The following PRELID2 variants were observed in gnomAD, a reference collection of about 807,000 sequenced individuals.
PRELID2 encodes PRELI domain containing 2, also known as PRELI domain-containing protein 2.
Under a neutral mutation model 28.4 loss-of-function variants are expected in PRELID2, and 25 were observed. That is an observed-to-expected ratio of 0.88 (90% confidence interval 0.64 to 1.23). The LOEUF is 1.23. PRELID2 is among the 50% of genes most tolerant of loss of function. The pLI, the probability that PRELID2 is intolerant of heterozygous loss-of-function variation, is 0.00. For synonymous variants in PRELID2, 76 were observed against 71.6 expected (o/e 1.06, Z -0.31); for missense variants, 201 against 214.4 (o/e 0.94, Z 0.39).
chr5:145,515,273 G>C (rs1210378549), intron 1 of PRELID2, among the ~76,000 whole-genome samples: 2 of 152,186 alleles, frequency 1.3e-5, no homozygotes, highest in Non-Finnish European at 2.9e-5. Flanking sequence ...AAGAATAAAA[G>C]AGAGAAGAAT....
chr5:145,372,887 TTATA>T, the PRELID2 span, among the ~76,000 whole-genome samples: 16 of 95,942 alleles, frequency 1.7e-4, 2 homozygotes, highest in East Asian at 0.01. Flanking sequence ...ATATATGATA[TTATA>T]TATTACAACA....
chr5:145,421,218 G>A, the PRELID2 span, among the ~76,000 whole-genome samples: 1 of 149,102 alleles, frequency 6.7e-6, no homozygotes, highest in Non-Finnish European at 1.5e-5. Flanking sequence ...TCTCTGCCTG[G>A]CTTTGGTATC....
intron 1 of PRELID2, among the ~76,000 whole-genome samples, chr5:145,689,021 G>GAT (rs1755092636): frequency 6.6e-6 from 1 of 152,200 alleles, no homozygotes; most frequent in Admixed American, 6.5e-5. Context: ...GAGATACTGA[G>GAT]ATATCATAAG....
chr5:145,713,040 A>G (rs1373294897), intron 1 of PRELID2, among the ~76,000 whole-genome samples: 1 of 151,938 alleles, frequency 6.6e-6, no homozygotes, highest in Non-Finnish European at 1.5e-5. Flanking sequence ...TAAAGAAGAG[A>G]AGAACAACAT....
At chr5:145,428,209 T>C in the PRELID2 span, among the ~76,000 whole-genome samples, 1 of 152,132 alleles carries the variant, frequency 6.6e-6, no homozygotes, top group Non-Finnish European at 1.5e-5. Context: ...TCCATCCATC[T>C]CAGCCTCCCA....
the PRELID2 span, among the ~76,000 whole-genome samples, chr5:145,243,159 T>C: frequency 6.6e-6 from 1 of 152,050 alleles, no homozygotes; most frequent in Non-Finnish European, 1.5e-5. Context: ...AAAAGACATT[T>C]CAACCTGTTT....
intron 1 of PRELID2, among the ~76,000 whole-genome samples, chr5:145,514,387 C>A (rs1276771343): frequency 1.4e-5 from 2 of 147,998 alleles, no homozygotes; most frequent in African/African-American, 2.5e-5. Flanking sequence ...CAGCAAAGAT[C>A]AAAAAAGACA....
the PRELID2 span, among the ~76,000 whole-genome samples, chr5:145,451,344 T>G: frequency 6.6e-6 from 1 of 152,192 alleles, no homozygotes; most frequent in Admixed American, 6.5e-5. Context: ...TCAAATACCA[T>G]TTCTTCCAGA....
chr5:145,725,908 TG>T (rs1398672087), intron 1 of PRELID2, among the ~76,000 whole-genome samples: 1 of 152,136 alleles, frequency 6.6e-6, no homozygotes, highest in African/African-American at 2.4e-5. Flanking sequence ...TACACGTGGG[TG>T]CAGTAGCTTA....
chr5:145,437,724 C>A, the PRELID2 span, among the ~76,000 whole-genome samples: 3 of 152,230 alleles, frequency 2.0e-5, no homozygotes, highest in African/African-American at 7.2e-5. Context: ...GGAGGCCCTT[C>A]TCTCCTTGGT....
chr5:145,664,940 G>A (rs1451754609), intron 1 of PRELID2, among the ~76,000 whole-genome samples: 1 of 152,030 alleles, frequency 6.6e-6, no homozygotes, highest in African/African-American at 2.4e-5. Flanking sequence ...CGACCTCAAG[G>A]AAATGCACAT....
intron 1 of PRELID2, among the ~76,000 whole-genome samples, chr5:145,597,020 T>C (rs1371892369): frequency 6.6e-6 from 1 of 152,058 alleles, no homozygotes; most frequent in Non-Finnish European, 1.5e-5. Context: ...GGTCAAAAAA[T>C]ACTACATAGC....
chr5:145,348,655 C>A, the PRELID2 span, among the ~76,000 whole-genome samples: 1 of 149,340 alleles, frequency 6.7e-6, no homozygotes, highest in African/African-American at 2.5e-5. Context: ...TTTTTTTTTA[C>A]AATTCACTAT....
chr5:145,230,566 G>A, the PRELID2 span, among the ~76,000 whole-genome samples: 2,071 of 151,966 alleles, frequency 0.014, 46 homozygotes, highest in African/African-American at 0.047. Flanking sequence ...GCAACAGAGC[G>A]AGACTCTGTC....
intron 1 of PRELID2, among the ~76,000 whole-genome samples, chr5:145,522,836 G>A (rs1351983024): frequency 6.6e-6 from 1 of 151,596 alleles, no homozygotes; most frequent in Admixed American, 6.6e-5. Flanking sequence ...AGAAGAAGAA[G>A]GAGGAGGAAG....
chr5:145,359,686 G>C, the PRELID2 span, among the ~76,000 whole-genome samples: 1 of 152,162 alleles, frequency 6.6e-6, no homozygotes, highest in African/African-American at 2.4e-5. Flanking sequence ...TAGCCTCATA[G>C]AACACTCTTC....
At chr5:145,435,762 C>T in the PRELID2 span, among the ~76,000 whole-genome samples, 1 of 152,032 alleles carries the variant, frequency 6.6e-6, no homozygotes. Flanking sequence ...GTCTTGTGGG[C>T]CAGAAAGGCA....
At chr5:145,414,956 T>C in the PRELID2 span, among the ~76,000 whole-genome samples, 1 of 152,156 alleles carries the variant, frequency 6.6e-6, no homozygotes, top group African/African-American at 2.4e-5. Flanking sequence ...GAAAAAGCAA[T>C]GGTTCTAAGA....
chr5:145,333,913 G>A, the PRELID2 span, among the ~76,000 whole-genome samples: 1 of 152,052 alleles, frequency 6.6e-6, no homozygotes, highest in Non-Finnish European at 1.5e-5. Context: ...GGTTTTGTAG[G>A]CACCCAAGGG....
Sources: gnomAD v4.1 joint callset for allele counts (sites outside exome capture counted in the v4.1 genomes callset) on GRCh38, gnomAD v4.1.1 for gene constraint, MANE v1.5 for transcripts, NCBI Gene and HGNC (gene_info 2026-07-23, HGNC 2026-07-21) for gene names.